Variants in NAV3 observed in about 807,000 individuals in gnomAD.
NAV3 encodes the protein neuron navigator 3.
Under a neutral mutation model 244.7 loss-of-function variants are expected in NAV3, and 87 were observed. The observed-to-expected ratio is 0.36, with a 90% confidence interval of 0.30 to 0.42. The LOEUF (loss-of-function observed/expected upper bound fraction) is 0.42. Ranked by LOEUF, NAV3 falls within the 20% of genes least tolerant of loss-of-function variation. The pLI is 1.00. For synonymous variants in NAV3, 1,126 were observed against 1,042.2 expected (o/e 1.08, Z -1.55); for missense variants, 2,663 against 2,893.3 (o/e 0.92, Z 1.83).
intron 12 of NAV3, among the ~76,000 whole-genome samples, chr12:78,111,379 C>T (rs1412947563): frequency 6.6e-6 from 1 of 151,990 alleles, no homozygotes; most frequent in Admixed American, 6.6e-5. Context: ...ATAAAATTCA[C>T]TAAAATCCAA....
At chr12:78,035,512 T>A (rs371772547) in intron 9 of NAV3, among the ~76,000 whole-genome samples, 1 of 152,218 alleles carries the variant, frequency 6.6e-6, no homozygotes, top group Non-Finnish European at 1.5e-5. Context: ...TTAGGTTTTC[T>A]GTTTTTATGA....
chr12:78,119,152 C>G (rs1955553798), intron 14 of NAV3, 85 bp from the exon 15 acceptor site: 3 of 1,216,594 alleles, frequency 2.5e-6, no homozygotes, highest in Non-Finnish European at 3.5e-6. Context: ...TATAAAGAAG[C>G]ATTCACATTT....
chr12:77,873,744 G>GTGTGTATATATA (rs776225440), intron 1 of NAV3, among the ~76,000 whole-genome samples: 78 of 73,154 alleles, frequency 1.1e-3, no homozygotes, highest in South Asian at 2.6e-3. Flanking sequence ...ATGTGTGTGT[G>GTGTGTATATATA]TATATATATA....
chr12:78,002,728 T>C (rs1370995080), intron 7 of NAV3, among the ~76,000 whole-genome samples: 2 of 152,138 alleles, frequency 1.3e-5, no homozygotes, highest in Non-Finnish European at 2.9e-5. Context: ...TATTACTTAA[T>C]ACTTATATAA....
chr12:77,851,189 T>C (rs142869944), intron 1 of NAV3, among the ~76,000 whole-genome samples: 6 of 152,274 alleles, frequency 3.9e-5, no homozygotes, highest in Admixed American at 6.5e-5. Flanking sequence ...CTTTGACCTA[T>C]CTTGAATTTT....
At chr12:78,043,533 T>C (rs1338580620) in intron 9 of NAV3, among the ~76,000 whole-genome samples, 1 of 152,196 alleles carries the variant, frequency 6.6e-6, no homozygotes, top group Non-Finnish European at 1.5e-5. Flanking sequence ...GTTGAACTAA[T>C]ATATACTCCC....
intron 2 of NAV3, among the ~76,000 whole-genome samples, chr12:77,660,535 A>C (rs1276399679): frequency 6.6e-6 from 1 of 152,176 alleles, no homozygotes; most frequent in Non-Finnish European, 1.5e-5. Flanking sequence ...ATAGTTTTTT[A>C]CAGTTTATAA....
intron 2 of NAV3, among the ~76,000 whole-genome samples, chr12:77,654,272 G>A (rs1282733713): frequency 6.6e-6 from 1 of 152,252 alleles, no homozygotes; most frequent in Non-Finnish European, 1.5e-5. Context: ...TTTTCCGACG[G>A]GCTTAAAAAA....
chr12:77,904,254 A>G (rs1357641199), intron 1 of NAV3, among the ~76,000 whole-genome samples: 3 of 152,330 alleles, frequency 2.0e-5, no homozygotes, highest in Admixed American at 1.3e-4. Flanking sequence ...CAAATGTCCA[A>G]CAATGATAGA....
Position 78,129,000 on chromosome 12 carries a change from A to T in NAV3, c.4441+134A>T, listed in dbSNP as rs530312646. The T allele has an allele frequency of 8.0e-6, 6 of 754,032 alleles. No individual in the cohort carries two copies. The Admixed American group carries it at 1.2e-4, about 15-fold the overall frequency. The allele number at this position is 754,032 out of a possible 1,614,324, so 46.7% of individuals were successfully genotyped here. Reference sequence around the variant, plus strand: ...TAAAAGCACTTTAACAGTACCTTTCATTTGTGTCATTGTTTACTCTTCACA... The same window carrying T: ...TAAAAGCACTTTAACAGTACCTTTCTTTTGTGTCATTGTTTACTCTTCACA... On this transcript the variant is annotated intron_variant, in intron 18 of 39. Transcript: ENST00000397909.
intron 3 of NAV3, among the ~76,000 whole-genome samples, chr12:77,951,300 C>A (rs993980182): frequency 1.3e-5 from 2 of 152,162 alleles, no homozygotes; most frequent in African/African-American, 4.8e-5. Context: ...ATTTATGCAG[C>A]CAACAGGCAC....
chr12:77,936,087 A>C (rs1332430199), intron 1 of NAV3, among the ~76,000 whole-genome samples: 1 of 152,186 alleles, frequency 6.6e-6, no homozygotes, highest in Non-Finnish European at 1.5e-5. Flanking sequence ...ATTTAGAGAA[A>C]AGAAATGTTC....
chr12:77,572,125 A>C (rs1868856924), exon 2 of NAV3: 1 of 154,364 alleles, frequency 6.5e-6, no homozygotes, highest in African/African-American at 2.4e-5. Context: ...GTGTTCCTAG[A>C]AATTGCATCT....
At chr12:77,847,871 T>C (rs1876895921) in intron 1 of NAV3, among the ~76,000 whole-genome samples, 1 of 152,178 alleles carries the variant, frequency 6.6e-6, no homozygotes, top group African/African-American at 2.4e-5. Flanking sequence ...ATCCAGCTGG[T>C]GCAGCTGCCA....
chr12:78,178,633 C>A (rs147531069), intron 28 of NAV3, among the ~76,000 whole-genome samples: 1 of 152,196 alleles, frequency 6.6e-6, no homozygotes, highest in East Asian at 1.9e-4. Flanking sequence ...CTATTTAAAT[C>A]TAATTTCCTT....
In NAV3 at chr12:77,770,807, C is replaced by A. The variant is rs112076080; in HGVS notation, c.73-169512C>A. ...AAACGTTAGACCTAAAACCATAAAA[C>A]CCCTAGAAGAAAACCTAGGCAATAC... On this transcript the variant is annotated intron_variant, in intron 2 of 8. Transcript: ENST00000550042. 4.9e-3 allele frequency among the ~76,000 whole-genome samples: 742 copies of A among 152,228 alleles called. 6 individuals carry two copies. Among genetic ancestry groups the A allele is most frequent in the Middle Eastern group, 0.024 (7 of 294 alleles).
At chr12:78,170,824 A>G (rs1258919988) in intron 24 of NAV3, among the ~76,000 whole-genome samples, 1 of 151,726 alleles carries the variant, frequency 6.6e-6, no homozygotes, top group Non-Finnish European at 1.5e-5. Flanking sequence ...CAGTGAACCT[A>G]AATATGTTTC....
chr12:78,041,008 G>A (rs1314313125), intron 9 of NAV3, among the ~76,000 whole-genome samples: 1 of 152,128 alleles, frequency 6.6e-6, no homozygotes, highest in Admixed American at 6.5e-5. Flanking sequence ...GTGAAAGATA[G>A]AATTCTTTAT....
intron 2 of NAV3, among the ~76,000 whole-genome samples, chr12:77,594,961 A>G (rs781024072): frequency 1.7e-4 from 26 of 152,202 alleles, no homozygotes; most frequent in Non-Finnish European, 3.5e-4. Flanking sequence ...GTTGGTGCGC[A>G]TATAAATTAG....
Sources: gnomAD v4.1 joint callset for allele counts (sites outside exome capture counted in the v4.1 genomes callset) on GRCh38, gnomAD v4.1.1 for gene constraint, MANE v1.5 for transcripts, NCBI Gene and HGNC (gene_info 2026-07-23, HGNC 2026-07-21) for gene names.